Variants in PIEZO2 observed in about 807,000 individuals in gnomAD.
PIEZO2 encodes the protein piezo-type mechanosensitive ion channel component 2.
A neutral mutation model predicts 337.3 loss-of-function variants in PIEZO2; 172 were observed. That is an observed-to-expected ratio of 0.51 (90% confidence interval 0.45 to 0.58). PIEZO2 has a LOEUF of 0.58. Among genes scored for constraint, PIEZO2 ranks in the 20% least tolerant of loss-of-function variants. The pLI, the probability that PIEZO2 is intolerant of heterozygous loss-of-function variation, is 0.00. For synonymous variants in PIEZO2, 1,251 were observed against 1,228.5 expected (o/e 1.02, Z -0.38); for missense variants, 3,028 against 3,391.3 (o/e 0.89, Z 2.66).
rs2033816160 is a variant in PIEZO2 at position 10,672,333 on chromosome 18, G to A, written c.8345+357C>T. ...GATGCGATGTTTCAGAAGTTCAAAAGCAGGATGTCTAATAGATCCATCTGC... is the reference window on the plus strand; with the variant it reads ...GATGCGATGTTTCAGAAGTTCAAAAACAGGATGTCTAATAGATCCATCTGC... On this transcript the variant is annotated intron_variant, in intron 55 of 55. Coordinates refer to ENST00000674853, the MANE Select transcript of PIEZO2 (RefSeq NM_001378183.1). This position sits in a 1 kb window ranked among gnomAD's most constrained non-coding sequence, Gnocchi z 4.7. 6.6e-6 allele frequency among the ~76,000 whole-genome samples: 1 copy of A among 152,182 alleles called. No homozygotes were observed. Among genetic ancestry groups the A allele is most frequent in the Non-Finnish European group, 1.5e-5 (1 of 68,026 alleles).
rs1208658674 is a variant in PIEZO2 at position 10,697,866 on chromosome 18, G to T, written c.6709C>A (p.Arg2237=). The change falls in exon 45 of 56, where the codon CGA becomes AGA. Residue 2237 remains arginine (R), a synonymous_variant. Coordinates refer to ENST00000674853, the MANE Select transcript of PIEZO2 (RefSeq NM_001378183.1). ...CTGCTTCCTTTTTGACTGCTGTTTC[G>T]GGTGCTTGTGCTGCCTAGAAATAAA... ...NRSQRGSTST[R]NSSQKGSSVL... 1.2e-6 allele frequency: 2 copies of T among 1,612,582 alleles called. No individual in the cohort carries two copies. Among genetic ancestry groups the T allele is most frequent in the Non-Finnish European group, 1.7e-6 (2 of 1,179,142 alleles).
At chr18:10,742,435 C>A in intron 32 of PIEZO2, 59 bp downstream of exon 32, 1 of 1,511,156 alleles carries the variant, frequency 6.6e-7, no homozygotes, top group South Asian at 1.2e-5. Context: ...CAGCCCTGCT[C>A]AATATCATGC....
At chr18:10,920,106 T>C (rs1278098453) in intron 3 of PIEZO2, among the ~76,000 whole-genome samples, 4 of 152,164 alleles carry the variant, frequency 2.6e-5, no homozygotes, top group Non-Finnish European at 5.9e-5. Context: ...TCGCACTAAC[T>C]AGAAACTGGG....
chr18:11,010,596 T>C (rs1245826439), intron 2 of PIEZO2, among the ~76,000 whole-genome samples: 2 of 152,200 alleles, frequency 1.3e-5, no homozygotes, highest in Non-Finnish European at 2.9e-5. Flanking sequence ...TTATTTATTC[T>C]CTAGTCCTGT....
chr18:10,867,346 G>T lies in PIEZO2; in HGVS notation c.492+3907C>A, dbSNP rs560319767. ...TTGAACCTCAGAGTTGAGACTTGAA[G>T]CACAGCCCATTTGGTCATGTCATGT... On this transcript the variant is annotated intron_variant, in intron 5 of 55. Coordinates refer to ENST00000674853, the MANE Select transcript of PIEZO2 (RefSeq NM_001378183.1). Among the ~76,000 whole-genome samples the T allele has an allele frequency of 3.0e-4, 45 of 152,306 alleles. 1 individual carries two copies. Among genetic ancestry groups the T allele is most frequent in the African/African-American group, 9.9e-4 (41 of 41,566 alleles).
chr18:10,947,157 A>T (rs1377525472), intron 3 of PIEZO2, among the ~76,000 whole-genome samples: 1 of 152,186 alleles, frequency 6.6e-6, no homozygotes, highest in Admixed American at 6.5e-5. Context: ...TGAAGGGAAA[A>T]AAATCTGTAG....
At chr18:10,858,321 C>CAAAAAAAAAAAA (rs11361243) in intron 5 of PIEZO2, among the ~76,000 whole-genome samples, 142 of 56,282 alleles carry the variant, frequency 2.5e-3, no homozygotes, top group South Asian at 4.9e-3. Context: ...GACTTCAACC[C>CAAAAAAAAAAAA]AAAAAAAAAA....
Position 10,855,242 on chromosome 18 carries a change from A to C in PIEZO2, c.917+111T>G. 1.1e-6 allele frequency: 1 copy of C among 933,214 alleles called. No individual in the cohort carries two copies. Among genetic ancestry groups the C allele is most frequent in the Non-Finnish European group, 1.6e-6 (1 of 620,296 alleles). 57.8% of individuals were successfully genotyped at this position (933,214 alleles called of 1,614,324 possible). A position where few individuals can be genotyped will look rare whatever the true frequency, so the allele number is the denominator to read the frequency against. On this transcript the variant is annotated intron_variant, in intron 7 of 55. Coordinates refer to ENST00000674853, the MANE Select transcript of PIEZO2 (RefSeq NM_001378183.1). This position sits in a 1 kb window ranked among gnomAD's most constrained non-coding sequence, Gnocchi z 4.9. Reference sequence around the variant, plus strand: ...CCCCCACAAAATCTTTGCTTAACACAGCAATTGCCTGCCATCAAGAATAAC... The same window carrying C: ...CCCCCACAAAATCTTTGCTTAACACCGCAATTGCCTGCCATCAAGAATAAC...
In PIEZO2 at chr18:10,862,495, G is replaced by C. The variant is rs1339537582; in HGVS notation, c.493-5284C>G. On this transcript the variant is annotated intron_variant, in intron 5 of 55. Coordinates refer to ENST00000674853, the MANE Select transcript of PIEZO2 (RefSeq NM_001378183.1). This position sits in a 1 kb window ranked among gnomAD's most constrained non-coding sequence, Gnocchi z 4.4. ...ATCCTCTCACCCTACAGCAGTACTG[G>C]TTCCATTAAGCCGTGGCATCCACCA... Among the ~76,000 whole-genome samples, 1 of 152,118 alleles carries C rather than the reference G, an allele frequency of 6.6e-6. No individual in the cohort carries two copies. Among genetic ancestry groups the C allele is most frequent in the African/African-American group, 2.4e-5 (1 of 41,422 alleles).
intron 2 of PIEZO2, among the ~76,000 whole-genome samples, chr18:11,015,779 G>C (rs1328911562): frequency 1.3e-5 from 2 of 152,092 alleles, no homozygotes; most frequent in African/African-American, 4.8e-5. Context: ...GTGCTCTATG[G>C]TAGACTCGAA....
rs2036298934 is a variant in PIEZO2 at position 11,021,282 on chromosome 18, C to T, written c.161-41622G>A. Among the ~76,000 whole-genome samples the T allele has an allele frequency of 6.6e-6, 1 of 152,204 alleles. No individual in the cohort carries two copies. Among genetic ancestry groups the T allele is most frequent in the African/African-American group, 2.4e-5 (1 of 41,454 alleles). ...ATCTCCCTGGAAAGAACTCCCAAAC[C>T]GGTTTTCCATGGACCCAAAGTCAGT... On this transcript the variant is annotated intron_variant, in intron 2 of 55. Coordinates refer to ENST00000674853, the MANE Select transcript of PIEZO2 (RefSeq NM_001378183.1). The surrounding 1 kb of genome is among the most constrained non-coding windows in gnomAD (Gnocchi z 4.7).
At chr18:10,798,646 G>T (rs1040557711) in intron 11 of PIEZO2, among the ~76,000 whole-genome samples, 6 of 152,204 alleles carry the variant, frequency 3.9e-5, no homozygotes, top group African/African-American at 1.4e-4. Flanking sequence ...CCCAGTTTAT[G>T]ATTTCAGTAT....
At chr18:10,675,340 C>T (rs769510668) in intron 53 of PIEZO2, 52 bp from the exon 54 acceptor site, 10 of 1,196,500 alleles carry the variant, frequency 8.4e-6, no homozygotes, top group Admixed American at 5.5e-5. Flanking sequence ...TTTTACCCAC[C>T]TAAAATTGAT....
intron 36 of PIEZO2, among the ~76,000 whole-genome samples, chr18:10,723,316 A>G (rs1325649280): frequency 1.3e-5 from 2 of 152,132 alleles, no homozygotes; most frequent in East Asian, 3.9e-4. Flanking sequence ...TATGAAGGTC[A>G]TTGCTGGTCA....
chr18:11,066,035 C>T, intron 2 of PIEZO2, 92 bp downstream of exon 2: 2 of 999,582 alleles, frequency 2.0e-6, no homozygotes, highest in Non-Finnish European at 3.0e-6. Context: ...TAGATAACAT[C>T]TCTGCCATTA....
chr18:10,684,284 G>A (rs1211500387), intron 49 of PIEZO2, among the ~76,000 whole-genome samples: 8 of 139,622 alleles, frequency 5.7e-5, no homozygotes, highest in Non-Finnish European at 1.2e-4. Flanking sequence ...TCCTGCCTCA[G>A]CCTCCCAAGT....
intron 3 of PIEZO2, among the ~76,000 whole-genome samples, chr18:10,956,977 A>T (rs1196095931): frequency 3.3e-5 from 4 of 121,560 alleles, no homozygotes; most frequent in Non-Finnish European, 7.4e-5. Flanking sequence ...CTCAAAAAAA[A>T]AAAAAAAAAG....
At chr18:11,034,225 A>G (rs1015763009) in intron 2 of PIEZO2, among the ~76,000 whole-genome samples, 1 of 151,252 alleles carries the variant, frequency 6.6e-6, no homozygotes, top group Non-Finnish European at 1.5e-5. Flanking sequence ...AAGCAACGTT[A>G]TTTTCTCTAT....
rs1472237525 is a variant in PIEZO2, at chr18:11,116,428, T to C, written c.64+32097A>G. Reference sequence around the variant, plus strand: ...TTCTTGGGTGTGAAAGAATGAAATTTGCAGGCCGGGCGCGGTGGCTCACGC... The same window carrying C: ...TTCTTGGGTGTGAAAGAATGAAATTCGCAGGCCGGGCGCGGTGGCTCACGC... On this transcript the variant is annotated intron_variant, in intron 1 of 55. Transcript: ENST00000674853. The surrounding 1 kb of genome is among the most constrained non-coding windows in gnomAD (Gnocchi z 5.0). Among the ~76,000 whole-genome samples the C allele has an allele frequency of 6.6e-6, 1 of 152,122 alleles. No homozygotes were observed. Among genetic ancestry groups the C allele is most frequent in the Non-Finnish European group, 1.5e-5 (1 of 68,020 alleles).
Sources: gnomAD v4.1 joint callset for allele counts (sites outside exome capture counted in the v4.1 genomes callset) on GRCh38, gnomAD v4.1.1 for gene constraint, Gnocchi (gnomAD v3.1) non-coding constraint, MANE v1.5 for transcripts, NCBI Gene and HGNC (gene_info 2026-07-23, HGNC 2026-07-21) for gene names.